The following HNF4G variants were observed in gnomAD, a reference collection of about 807,000 sequenced individuals.
HNF4G encodes the protein hepatocyte nuclear factor 4-gamma.
Under a neutral mutation model 50.9 loss-of-function variants are expected in HNF4G, and 21 were observed. The observed-to-expected ratio is 0.41, with a 90% CI of 0.29 to 0.59. The LOEUF is 0.59. HNF4G is among the 20% of genes least tolerant of loss of function. HNF4G has a pLI of 0.26. For synonymous variants in HNF4G, 198 were observed against 185.6 expected (o/e 1.07, Z -0.54); for missense variants, 527 against 559.4 (o/e 0.94, Z 0.58).
chr8:75,413,231 A>T (rs1810543385), intron 1 of HNF4G, among the ~76,000 whole-genome samples: 1 of 145,502 alleles, frequency 6.9e-6, no homozygotes, highest in Non-Finnish European at 1.5e-5. Flanking sequence ...TTTTTTTCTT[A>T]AGATTGACTG....
chr8:75,440,809 T>A (rs574698225), intron 1 of HNF4G, among the ~76,000 whole-genome samples: 1 of 152,220 alleles, frequency 6.6e-6, no homozygotes, highest in South Asian at 2.1e-4. Context: ...AAAGTATATG[T>A]CCTCATTTTA....
intron 2 of HNF4G, among the ~76,000 whole-genome samples, chr8:75,498,075 T>C (rs1170268681): frequency 6.6e-6 from 1 of 152,104 alleles, no homozygotes; most frequent in Non-Finnish European, 1.5e-5. Context: ...AAAAAAGATA[T>C]GCTTAATGCA....
At position 75,435,852 on chromosome 8, in the gene HNF4G, C is replaced by T. The variant is rs551413860; in HGVS notation, c.-144+27690C>T. Reference sequence around the variant, plus strand: ...CAGGTGATCCACCCACCTTGGTCTCCCAAAGTGTTGGAATTACAGGTGTGA... The same window carrying T: ...CAGGTGATCCACCCACCTTGGTCTCTCAAAGTGTTGGAATTACAGGTGTGA... On this transcript the variant is annotated intron_variant, in intron 1 of 10. Transcript: ENST00000354370. Among the ~76,000 whole-genome samples, 11 of 152,224 alleles carry T rather than the reference C, an allele frequency of 7.2e-5. 1 individual carries two copies. The East Asian group carries it at 1.9e-3, about 27-fold the overall frequency.
chr8:75,545,865 T>C (rs1162603086), intron 2 of HNF4G, among the ~76,000 whole-genome samples: 1 of 152,148 alleles, frequency 6.6e-6, no homozygotes, highest in Non-Finnish European at 1.5e-5. Flanking sequence ...CAATTTTTGT[T>C]ATTAATTTAA....
intron 2 of HNF4G, among the ~76,000 whole-genome samples, chr8:75,519,312 C>A (rs1475935731): frequency 6.6e-6 from 1 of 152,212 alleles, no homozygotes; most frequent in Non-Finnish European, 1.5e-5. Flanking sequence ...AAGTTCCAAA[C>A]TTTCTCACAT....
chr8:75,560,146 C>T (rs1807265042), intron 8 of HNF4G, among the ~76,000 whole-genome samples, 198 bp from the exon 9 acceptor site: 1 of 152,180 alleles, frequency 6.6e-6, no homozygotes, highest in Non-Finnish European at 1.5e-5. Flanking sequence ...TATGATGCAA[C>T]ATTAATCTAG....
intron 1 of HNF4G, among the ~76,000 whole-genome samples, chr8:75,460,336 C>G (rs955928625): frequency 6.6e-6 from 1 of 152,048 alleles, no homozygotes; most frequent in Non-Finnish European, 1.5e-5. Flanking sequence ...TACATTTAAT[C>G]TATAAATGCA....
At chr8:75,501,780 A>G (rs1320111827) in intron 2 of HNF4G, among the ~76,000 whole-genome samples, 1 of 152,154 alleles carries the variant, frequency 6.6e-6, no homozygotes, top group African/African-American at 2.4e-5. Flanking sequence ...CTATCTTGGA[A>G]TGACTGAATC....
At chr8:75,491,709 C>T (rs1812635472) in intron 2 of HNF4G, among the ~76,000 whole-genome samples, 1 of 152,132 alleles carries the variant, frequency 6.6e-6, no homozygotes, top group South Asian at 2.1e-4. Context: ...TACCTGACCT[C>T]GGGTGATCCA....
intron 2 of HNF4G, among the ~76,000 whole-genome samples, chr8:75,516,287 A>G (rs552808833): frequency 1.3e-5 from 2 of 152,256 alleles, no homozygotes; most frequent in East Asian, 1.9e-4. Context: ...CATTTAGTTC[A>G]AATATTTTTT....
chr8:75,537,760 GA>G (rs975085350), upstream of HNF4G, among the ~76,000 whole-genome samples: 5 of 151,800 alleles, frequency 3.3e-5, no homozygotes, highest in Admixed American at 6.6e-5. Context: ...TGAGACTTAT[GA>G]AAAAAAATTT....
intron 1 of HNF4G, among the ~76,000 whole-genome samples, chr8:75,423,670 G>A (rs1203898039): frequency 6.6e-6 from 1 of 151,794 alleles, no homozygotes; most frequent in Admixed American, 6.6e-5. Context: ...GATTACAGGC[G>A]TGAGCCACCG....
At chr8:75,464,986 A>T (rs1811934641) in intron 1 of HNF4G, among the ~76,000 whole-genome samples, 1 of 152,180 alleles carries the variant, frequency 6.6e-6, no homozygotes, top group Non-Finnish European at 1.5e-5. Context: ...CCTTGTCTGG[A>T]TTAGGGTAGA....
intron 9 of HNF4G, among the ~76,000 whole-genome samples, chr8:75,562,115 T>A (rs1038550124): frequency 1.4e-5 from 2 of 145,432 alleles, no homozygotes; most frequent in Admixed American, 6.8e-5. Flanking sequence ...TTTACAATAG[T>A]CTTTAATAGC....
chr8:75,422,735 G>C (rs1435143803), intron 1 of HNF4G, among the ~76,000 whole-genome samples: 1 of 151,766 alleles, frequency 6.6e-6, no homozygotes, highest in African/African-American at 2.4e-5. Context: ...CCAGGTTCAC[G>C]CCATTCTCCT....
Position 75,533,115 on chromosome 8 carries a change from A to G in HNF4G, c.-23-10696A>G, listed in dbSNP as rs1217488962. 2.0e-5 allele frequency among the ~76,000 whole-genome samples: 3 copies of G among 152,052 alleles called. No homozygotes were observed. The East Asian group carries it at 5.8e-4, about 29-fold the overall frequency. ...TACTCATGTACTCAGTGTAAATGCT[A>G]TACACTTCAAAGTTTATTATTTGCA... On this transcript the variant is annotated intron_variant, in intron 2 of 10. Transcript: ENST00000354370.
intron 1 of HNF4G, among the ~76,000 whole-genome samples, chr8:75,454,046 T>C (rs187791230): frequency 2.1e-5 from 3 of 145,608 alleles, no homozygotes; most frequent in Admixed American, 1.4e-4. Context: ...TCTCTCTCTC[T>C]CTCTCTCCCT....
At chr8:75,503,432 G>T (rs1812984200) in intron 2 of HNF4G, among the ~76,000 whole-genome samples, 1 of 152,302 alleles carries the variant, frequency 6.6e-6, no homozygotes, top group Non-Finnish European at 1.5e-5. Context: ...TAGTTCAAGA[G>T]AGTTGGGTGT....
At chr8:75,422,307 C>A (rs907470250) in intron 1 of HNF4G, among the ~76,000 whole-genome samples, 1 of 152,116 alleles carries the variant, frequency 6.6e-6, no homozygotes, top group Non-Finnish European at 1.5e-5. Flanking sequence ...ATTATGATAT[C>A]CACTAAGTTC....
Sources: allele counts gnomAD v4.1 joint callset (sites outside exome capture counted in the v4.1 genomes callset), GRCh38; gene constraint gnomAD v4.1.1; transcripts MANE v1.5; gene names NCBI Gene and HGNC (gene_info 2026-07-23, HGNC 2026-07-21).